The following SHROOM3 variants were observed in gnomAD, a reference collection of about 807,000 sequenced individuals.
The protein encoded by SHROOM3 is shroom family member 3.
In SHROOM3, 47 loss-of-function variants were observed where a neutral mutation model predicts 138.6. The observed-to-expected ratio is 0.34, with a 90% CI of 0.27 to 0.43. SHROOM3 has a LOEUF of 0.43. Ranked by LOEUF, SHROOM3 falls within the 20% of genes least tolerant of loss-of-function variation. SHROOM3 has a pLI of 1.00. For missense variants in SHROOM3, 2,491 were observed against 2,596.5 expected, an observed-to-expected ratio of 0.96 and a Z score of 0.88; for synonymous variants, 1,062 against 1,063.3, an observed-to-expected ratio of 1.00 and a Z score of 0.02.
At chr4:76,546,572 C>T (rs1389029772) in intron 1 of SHROOM3, among the ~76,000 whole-genome samples, 1 of 152,144 alleles carries the variant, frequency 6.6e-6, no homozygotes, top group Non-Finnish European at 1.5e-5. Flanking sequence ...CCAAGAATGC[C>T]CACTGGGTTG....
chr4:76,532,499 C>G (rs953203320), intron 1 of SHROOM3, among the ~76,000 whole-genome samples: 4 of 152,108 alleles, frequency 2.6e-5, no homozygotes, highest in Non-Finnish European at 5.9e-5. Flanking sequence ...ATTCCAAGAC[C>G]CCCATTGGGT....
At position 76,741,610 on chromosome 4, in the gene SHROOM3, G is replaced by A; in HGVS notation, c.3437G>A (p.Ser1146Asn). The A allele has an allele frequency of 6.5e-7, 1 of 1,540,026 alleles. No individual in the cohort carries two copies. Among genetic ancestry groups the A allele is most frequent in the African/African-American group, 1.4e-5 (1 of 73,334 alleles). ...AGCTTGAGCTCACTGCGGGAGCCCA[G>A]CCTGCAGCCCCGCAGGGAGGCCACG... is the stretch of plus-strand genomic sequence containing the variant. ...ASSLSSLREP[S>N]LQPRREATLL... The change falls in exon 5 of 11, where the codon AGC becomes AAC. Residue 1146 changes from serine (S) to asparagine (N), a missense_variant. This residue lies in a region of SHROOM3 where 1,733 missense variants were observed against 1,661.6 expected (regional missense o/e 1.04). Transcript: ENST00000296043. This position sits in a 1 kb window ranked among gnomAD's most constrained non-coding sequence, Gnocchi z 6.2.
At chr4:76,488,993 C>T (rs1484164702) in intron 1 of SHROOM3, among the ~76,000 whole-genome samples, 2 of 152,214 alleles carry the variant, frequency 1.3e-5, no homozygotes, top group African/African-American at 4.8e-5. Context: ...GTGCAGATTA[C>T]TAGAAACTTG....
Position 76,615,466 on chromosome 4 carries a change from G to A in SHROOM3, c.323+59703G>A, listed in dbSNP as rs142681016. Among the ~76,000 whole-genome samples the A allele has an allele frequency of 1.6e-3, 243 of 152,278 alleles. 1 individual carries two copies. Among genetic ancestry groups the A allele is most frequent in the Non-Finnish European group, 7.8e-4 (53 of 68,026 alleles). Reference sequence around the variant, plus strand: ...AGAGGACCCGCTGGAGGAATGCAGCGTTGTGCCTCTCCCCATTTATCATGG... The same window carrying A: ...AGAGGACCCGCTGGAGGAATGCAGCATTGTGCCTCTCCCCATTTATCATGG... On this transcript the variant is annotated intron_variant, in intron 2 of 10. Transcript: ENST00000296043.
intron 2 of SHROOM3, among the ~76,000 whole-genome samples, chr4:76,638,336 A>G (rs1228731968): frequency 6.6e-6 from 1 of 152,202 alleles, no homozygotes; most frequent in African/African-American, 2.4e-5. Flanking sequence ...ATTAAAACTA[A>G]AAGTAAAAAT....
At chr4:76,637,687 CTG>C (rs1458487665) in intron 2 of SHROOM3, 5 of 152,202 alleles carry the variant, frequency 3.3e-5, no homozygotes, top group African/African-American at 1.2e-4. Context: ...AATGGCAACT[CTG>C]TGTGCTTTAA....
At chr4:76,643,512 A>G (rs1234807940) in intron 2 of SHROOM3, among the ~76,000 whole-genome samples, 1 of 152,198 alleles carries the variant, frequency 6.6e-6, no homozygotes, top group Non-Finnish European at 1.5e-5. Flanking sequence ...GATTTAAGGT[A>G]TGATGAAAGG....
intron 1 of SHROOM3, among the ~76,000 whole-genome samples, chr4:76,465,204 A>G (rs568776192): frequency 1.8e-4 from 28 of 152,338 alleles, no homozygotes; most frequent in African/African-American, 6.0e-4. Flanking sequence ...ATGCATACCT[A>G]TTTATTCCAA....
At chr4:76,695,294 C>T (rs1719691977) in intron 2 of SHROOM3, among the ~76,000 whole-genome samples, 1 of 152,190 alleles carries the variant, frequency 6.6e-6, no homozygotes, top group Non-Finnish European at 1.5e-5. Context: ...ATTAGGAAGT[C>T]AGTCGACTTA....
intron 1 of SHROOM3, among the ~76,000 whole-genome samples, chr4:76,549,884 C>T (rs950294746): frequency 6.6e-6 from 1 of 152,102 alleles, no homozygotes; most frequent in African/African-American, 2.4e-5. Context: ...CTACACTTGG[C>T]CCCCAGCTGG....
intron 2 of SHROOM3, among the ~76,000 whole-genome samples, chr4:76,573,841 C>G: frequency 6.6e-6 from 1 of 152,156 alleles, no homozygotes; most frequent in East Asian, 1.9e-4. Flanking sequence ...AGGGCCCATC[C>G]TAGGATCATC....
At chr4:76,457,950 C>T (rs950067621) in intron 1 of SHROOM3, among the ~76,000 whole-genome samples, 6 of 151,874 alleles carry the variant, frequency 4.0e-5, no homozygotes, top group African/African-American at 9.7e-5. Flanking sequence ...TGCCCACCAC[C>T]GTGTCTGGCC....
At chr4:76,774,012 T>C (rs1285854767) in intron 10 of SHROOM3, among the ~76,000 whole-genome samples, 4 of 152,178 alleles carry the variant, frequency 2.6e-5, no homozygotes, top group East Asian at 3.8e-4. Context: ...GGGAGGCTCA[T>C]TTTAATAGTC....
chr4:76,668,574 AAAACAAACAAAC>A (rs71212439), intron 2 of SHROOM3, among the ~76,000 whole-genome samples: 2 of 152,064 alleles, frequency 1.3e-5, no homozygotes, highest in Non-Finnish European at 2.9e-5. Context: ...ACTCCGCCTC[AAAACAAACAAAC>A]AAACAAACAA....
intron 1 of SHROOM3, among the ~76,000 whole-genome samples, chr4:76,461,986 C>T (rs1259421519): frequency 6.6e-6 from 1 of 152,166 alleles, no homozygotes; most frequent in Non-Finnish European, 1.5e-5. Flanking sequence ...GTGATAATTG[C>T]TTTTAGTTTA....
intron 2 of SHROOM3, among the ~76,000 whole-genome samples, chr4:76,606,008 T>TATATA (rs1491237830): frequency 6.7e-4 from 52 of 77,192 alleles, no homozygotes; most frequent in African/African-American, 2.8e-3. Flanking sequence ...TATATATATA[T>TATATA]TTTTTTTTTT....
intron 2 of SHROOM3, among the ~76,000 whole-genome samples, chr4:76,557,371 TA>T (rs1282008641): frequency 6.6e-6 from 1 of 151,930 alleles, no homozygotes; most frequent in East Asian, 1.9e-4. Context: ...CACAGAACCG[TA>T]AAAACTGTAT....
At chr4:76,524,410 C>T (rs192236826) in intron 1 of SHROOM3, among the ~76,000 whole-genome samples, 12 of 152,218 alleles carry the variant, frequency 7.9e-5, no homozygotes, top group African/African-American at 2.4e-4. Flanking sequence ...GGGGCAGAAC[C>T]GTGGAAGACT....
chr4:76,459,461 AGGTT>A (rs1560512531), intron 1 of SHROOM3, among the ~76,000 whole-genome samples: 1 of 152,160 alleles, frequency 6.6e-6, no homozygotes, highest in Non-Finnish European at 1.5e-5. Flanking sequence ...CAGGGAGCCT[AGGTT>A]GAGCCGCTGT....
Sources: gnomAD v4.1 joint callset for allele counts (sites outside exome capture counted in the v4.1 genomes callset) on GRCh38, gnomAD v4.1.1 for gene constraint, gnomAD v4.1.1 regional missense constraint, Gnocchi (gnomAD v3.1) non-coding constraint, MANE v1.5 for transcripts, NCBI Gene and HGNC (gene_info 2026-07-23, HGNC 2026-07-21) for gene names.